KMT2C: variants seen among roughly 807,000 people sequenced by gnomAD.
KMT2C encodes the protein histone-lysine N-methyltransferase 2C.
KMT2C carries 88 observed loss-of-function variants against 507.9 expected under a neutral mutation model. The ratio of observed to expected loss-of-function variants is 0.17; its 90% CI spans 0.15 to 0.21. The LOEUF (loss-of-function observed/expected upper bound fraction) is 0.21. Ranked by LOEUF, KMT2C falls within the 10% of genes least tolerant of loss-of-function variation. The probability of loss-of-function intolerance (pLI) is 1.00; values close to 1 mark genes in which losing one functional copy is unlikely to be tolerated. For synonymous variants in KMT2C, 2,049 were observed against 2,080.8 expected (o/e 0.98, Z 0.42); for missense variants, 4,954 against 5,957.8 (o/e 0.83, Z 5.55).
rs2129095263 is a variant in KMT2C at position 152,148,441 on chromosome 7, A to G, written c.13486T>C (p.Phe4496Leu). 1.2e-6 allele frequency: 2 copies of G among 1,614,282 alleles called. No individual in the cohort carries two copies. The highest frequency in any genetic ancestry group is 4.5e-5 in the East Asian group (2 of 44,892). Residue 4496 changes from phenylalanine (F) to leucine (L), a missense_variant, in exon 52 of 59, where the codon TTT becomes CTT. Physicochemically the swap from Phe to Leu is conservative, Grantham distance 22. Transcript: ENST00000262189. This position sits in a 1 kb window ranked among gnomAD's most constrained non-coding sequence, Gnocchi z 7.1. ...GGGCAAAGCATAGTTTTGTCCTTAA[A>G]AAACATGCATTGTGCTTTAATGGCG... is the stretch of plus-strand genomic sequence containing the variant. ...TCAIKAQCMFFKDKTMLCPMH... is the reference protein window; with the variant it reads ...TCAIKAQCMFLKDKTMLCPMH...
rs1478296822 is a variant in KMT2C, at chr7:152,138,324, T to C, written c.14643+472A>G. On this transcript the variant is annotated intron_variant, in intron 58 of 58. Coordinates refer to ENST00000262189, the MANE Select transcript of KMT2C (RefSeq NM_170606.3). The surrounding 1 kb of genome is among the most constrained non-coding windows in gnomAD (Gnocchi z 4.2). The stretch of plus-strand genomic sequence containing the variant: ...AGAATGTGGCGATGTGGGCACTTGG[T>C]TAAGCACACACTGATCGCCAGCGTG... The C allele has an allele frequency of 1.3e-5, 2 of 156,680 alleles. No individual in the cohort carries two copies. Among genetic ancestry groups the C allele is most frequent in the African/African-American group, 4.8e-5 (2 of 41,470 alleles). The allele number at this position is 156,680 out of a possible 1,614,324, so 9.7% of individuals were successfully genotyped here. A position where few individuals can be genotyped will look rare whatever the true frequency, so the allele number is the denominator to read the frequency against.
chr7:152,435,277 G>C (rs1166189815), intron 1 of KMT2C, among the ~76,000 whole-genome samples: 1 of 152,086 alleles, frequency 6.6e-6, no homozygotes, highest in East Asian at 1.9e-4. Context: ...CGCGCTCCGG[G>C]CTTGTTTTCT....
chr7:152,271,382 C>T (rs187511753), intron 7 of KMT2C, among the ~76,000 whole-genome samples: 78 of 152,104 alleles, frequency 5.1e-4, no homozygotes, highest in African/African-American at 1.8e-3. Flanking sequence ...TGCTTAAGAT[C>T]CCCAAGGAGG....
chr7:152,368,311 G>A, intron 1 of KMT2C: 1 of 1,188,596 alleles, frequency 8.4e-7, no homozygotes, highest in Non-Finnish European at 1.2e-6. Context: ...GACTTATAAT[G>A]GAGTTGATAA....
intron 6 of KMT2C, 141 bp from the exon 7 acceptor site, chr7:152,274,008 T>G: frequency 5.4e-6 from 4 of 743,186 alleles, no homozygotes; most frequent in Non-Finnish European, 7.6e-6. Context: ...AAAGGATTCG[T>G]TAAAAATAAT....
chr7:152,377,982 G>C (rs2097342461), intron 1 of KMT2C, among the ~76,000 whole-genome samples: 1 of 152,164 alleles, frequency 6.6e-6, no homozygotes, highest in Non-Finnish European at 1.5e-5. Flanking sequence ...AAGAGAATTA[G>C]AAGTGGAGCC....
chr7:152,354,260 GA>G (rs927493219), intron 2 of KMT2C, among the ~76,000 whole-genome samples: 8 of 150,298 alleles, frequency 5.3e-5, no homozygotes, highest in African/African-American at 1.2e-4. Context: ...CTCCAGTAAG[GA>G]AAAAAAAATG....
chr7:152,290,220 A>ATGTGTGTGTG lies in KMT2C; in HGVS notation c.850-16363_850-16354dup, dbSNP rs71198772. On this transcript the variant is annotated intron_variant, in intron 6 of 58. Transcript: ENST00000262189. The stretch of plus-strand genomic sequence containing the variant: ...GTAGTCTAATAAATTTTATATATAT[A>ATGTGTGTGTG]TGTGTGTGTGTGTGTGTGTGTGTGT... Among the ~76,000 whole-genome samples the ATGTGTGTGTG allele has an allele frequency of 4.1e-4, 35 of 86,292 alleles. 1 individual carries two copies. Among genetic ancestry groups the ATGTGTGTGTG allele is most frequent in the African/African-American group, 1.7e-3 (35 of 21,092 alleles). The allele number at this position is 86,292 out of a possible 152,430, so 56.6% of individuals were successfully genotyped here.
intron 7 of KMT2C, 69 bp from the exon 8 acceptor site, chr7:152,265,278 A>T (rs2129173742): frequency 6.3e-7 from 1 of 1,586,186 alleles, no homozygotes. Flanking sequence ...ATACAGTAAA[A>T]TCATTTGAAA....
At chr7:152,329,577 A>T (rs998185537) in intron 3 of KMT2C, among the ~76,000 whole-genome samples, 1 of 145,760 alleles carries the variant, frequency 6.9e-6, no homozygotes, top group Non-Finnish European at 1.5e-5. Flanking sequence ...CTCAAAAAAT[A>T]AAAAAAAAAA....
intron 6 of KMT2C, among the ~76,000 whole-genome samples, chr7:152,290,413 C>T (rs371599686): frequency 1.4e-5 from 2 of 141,740 alleles, no homozygotes; most frequent in Non-Finnish European, 1.5e-5. Context: ...TGGGTTTAAG[C>T]GATTCTCTGT....
chr7:152,252,099 A>AT lies in KMT2C; in HGVS notation c.1470-10dup, dbSNP rs774549547. ...ACTCTAGGTGAACCCACCTGCAGTGATAAGTATACTTAAATAAAAATTTCT... is the reference window on the plus strand; with the variant it reads ...ACTCTAGGTGAACCCACCTGCAGTGATTAAGTATACTTAAATAAAAATTTCT... On this transcript the variant is annotated splice_polypyrimidine_tract_variant and intron_variant, in intron 10 of 58. Coordinates refer to ENST00000262189, the MANE Select transcript of KMT2C (RefSeq NM_170606.3). 2 of 1,571,748 alleles carry AT rather than the reference A, an allele frequency of 1.3e-6. No individual in the cohort carries two copies. The highest frequency in any genetic ancestry group is 3.7e-5 in the Admixed American group (2 of 54,670).
chr7:152,372,930 A>C (rs2097302958), intron 1 of KMT2C, among the ~76,000 whole-genome samples: 1 of 152,354 alleles, frequency 6.6e-6, no homozygotes, highest in South Asian at 2.1e-4. Context: ...CAGACACAGA[A>C]TATTCTCCAG....
At chr7:152,321,413 C>T (rs1022056138) in intron 3 of KMT2C, among the ~76,000 whole-genome samples, 1 of 151,502 alleles carries the variant, frequency 6.6e-6, no homozygotes, top group African/African-American at 2.4e-5. Flanking sequence ...TACTGGAAGT[C>T]CTAGGCAGAG....
intron 6 of KMT2C, among the ~76,000 whole-genome samples, chr7:152,288,553 TA>T (rs1187790372): frequency 3.3e-5 from 5 of 151,052 alleles, no homozygotes; most frequent in Admixed American, 6.6e-5. Flanking sequence ...AATAAATAAA[TA>T]TTTTTTTTTT....
At chr7:152,240,451 GC>G (rs1373170352) in intron 14 of KMT2C, among the ~76,000 whole-genome samples, 1 of 152,232 alleles carries the variant, frequency 6.6e-6, no homozygotes, top group Non-Finnish European at 1.5e-5. Flanking sequence ...GTTTCCCAGG[GC>G]TTGAGCCTAG....
rs1563162001 is a variant in KMT2C, at chr7:152,152,867, G to T, written c.12364C>A (p.Pro4122Thr). Reference sequence around the variant, plus strand: ...TGGCTACTGACCAAACCCATGGATGGGACATCTGGAGCACTGCTAACCTCA... The same window carrying T: ...TGGCTACTGACCAAACCCATGGATGTGACATCTGGAGCACTGCTAACCTCA... Reference protein sequence around the residue: ...SYEVSSAPDVPSMGLVSSHRI... With the variant: ...SYEVSSAPDVTSMGLVSSHRI... The change falls in exon 49 of 59, where the codon CCA becomes ACA. Residue 4122 changes from proline to threonine, a missense_variant. By Grantham distance (38) the Pro-to-Thr change is conservative. This residue lies in a region of KMT2C where 417 missense variants were observed against 461.1 expected (regional missense o/e 0.90). Coordinates refer to ENST00000262189, the MANE Select transcript of KMT2C (RefSeq NM_170606.3). 1 of 1,614,158 alleles carries T rather than the reference G, an allele frequency of 6.2e-7. No individual in the cohort carries two copies. Among genetic ancestry groups the T allele is most frequent in the South Asian group, 1.1e-5 (1 of 91,076 alleles).
chr7:152,246,163 A>G (rs2095469909), intron 14 of KMT2C, among the ~76,000 whole-genome samples: 1 of 152,186 alleles, frequency 6.6e-6, no homozygotes, highest in African/African-American at 2.4e-5. Context: ...GTACTATTCA[A>G]TTCATACTCT....
At chr7:152,269,653 C>G (rs2095923042) in intron 7 of KMT2C, among the ~76,000 whole-genome samples, 1 of 152,140 alleles carries the variant, frequency 6.6e-6, no homozygotes, top group African/African-American at 2.4e-5. Flanking sequence ...ATTCTAAGAT[C>G]AGGCTCTTGA....
Sources: gnomAD v4.1 joint callset for allele counts (sites outside exome capture counted in the v4.1 genomes callset) on GRCh38, gnomAD v4.1.1 for gene constraint, gnomAD v4.1.1 regional missense constraint, Gnocchi (gnomAD v3.1) non-coding constraint, MANE v1.5 for transcripts, NCBI Gene and HGNC (gene_info 2026-07-23, HGNC 2026-07-21) for gene names.